Variants in RERE observed in about 807,000 individuals in gnomAD.
RERE encodes arginine-glutamic acid dipeptide repeats protein.
Under a neutral mutation model 146.1 loss-of-function variants are expected in RERE, and 40 were observed. The observed-to-expected ratio is 0.27, with a 90% CI of 0.21 to 0.36. The LOEUF is 0.36. RERE is among the 10% of genes least tolerant of loss of function. The probability of loss-of-function intolerance (pLI) is 1.00; values close to 1 mark genes in which losing one functional copy is unlikely to be tolerated. For synonymous variants in RERE, 1,003 were observed against 866.0 expected, an observed-to-expected ratio of 1.16 and a Z score of -2.78; for missense variants, 1,933 against 2,138.7, an observed-to-expected ratio of 0.90 and a Z score of 1.90.
At chr1:8,544,877 T>C (rs1480725841) in intron 6 of RERE, among the ~76,000 whole-genome samples, 1 of 152,072 alleles carries the variant, frequency 6.6e-6, no homozygotes, top group African/African-American at 2.4e-5. Flanking sequence ...GAAGAAAGGG[T>C]TTCCATAACC....
intron 12 of RERE, among the ~76,000 whole-genome samples, chr1:8,391,127 T>C (rs1642871611): frequency 6.6e-6 from 1 of 152,174 alleles, no homozygotes. Flanking sequence ...GGAAAACTGA[T>C]GTTACTTCCC....
At chr1:8,750,514 G>A (rs1640511214) in intron 1 of RERE, 1 of 1,088,268 alleles carries the variant, frequency 9.2e-7, no homozygotes, top group South Asian at 1.2e-5. Context: ...CAGAGCTGAA[G>A]ATCAAGCTCC....
chr1:8,660,070 GAATA>G (rs1225818890), intron 1 of RERE, among the ~76,000 whole-genome samples: 1 of 151,354 alleles, frequency 6.6e-6, no homozygotes, highest in South Asian at 2.1e-4. Flanking sequence ...TAAATTATAT[GAATA>G]ATTAATACCA....
At chr1:8,741,516 T>C (rs1465163871) in intron 1 of RERE, among the ~76,000 whole-genome samples, 1 of 152,218 alleles carries the variant, frequency 6.6e-6, no homozygotes, top group Non-Finnish European at 1.5e-5. Context: ...TCTCCCATGC[T>C]GTTCTCGTGA....
At position 8,364,637 on chromosome 1, in the gene RERE, C is replaced by T. The variant is rs1026567270; in HGVS notation, c.1540+109G>A. ...GAATCCCGAAGCACAATGCAAATGT[C>T]AAATCAAGTACTGTCCCTGGCAGGT... On this transcript the variant is annotated intron_variant, in intron 14 of 22. Transcript: ENST00000400908. The surrounding 1 kb of genome is among the most constrained non-coding windows in gnomAD (Gnocchi z 5.1). 1 of 779,642 alleles carries T rather than the reference C, an allele frequency of 1.3e-6. No homozygotes were observed. Among genetic ancestry groups the T allele is most frequent in the Non-Finnish European group, 2.2e-6 (1 of 449,550 alleles). 48.3% of individuals were successfully genotyped at this position (779,642 alleles called of 1,614,324 possible).
rs3082123 is a variant in RERE at position 8,585,146 on chromosome 1, CA to C, written c.523-27624del. Among the ~76,000 whole-genome samples the C allele has an allele frequency of 7.2e-4, 93 of 130,054 alleles. 1 individual carries two copies. The highest frequency in any genetic ancestry group is 1.5e-3 in the South Asian group (6 of 3,902). The allele number at this position is 130,054 out of a possible 152,430, so 85.3% of individuals were successfully genotyped here. A position where few individuals can be genotyped will look rare whatever the true frequency, so the allele number is the denominator to read the frequency against. On this transcript the variant is annotated intron_variant, in intron 4 of 22. Coordinates refer to ENST00000400908, the MANE Select transcript of RERE (RefSeq NM_001042681.2). The stretch of plus-strand genomic sequence containing the variant: ...TGGGCAACGGAGCAAGACTCCATCT[CA>C]AAAAAAAAAAAAAAGAAGTAATTAC...
rs1173026952 is a variant in RERE, at chr1:8,403,284, T to C, written c.1284+19443A>G. 2.0e-5 allele frequency among the ~76,000 whole-genome samples: 3 copies of C among 152,278 alleles called. No individual in the cohort carries two copies. The East Asian group carries it at 5.8e-4, about 29-fold the overall frequency. On this transcript the variant is annotated intron_variant, in intron 12 of 22. Transcript: ENST00000400908. ...AAGAATTTTGTTGTCTCTTTTGAAA[T>C]TTCCTATCATAAAACTTTTCACAGT...
At chr1:8,741,823 T>C (rs1054938437) in intron 1 of RERE, among the ~76,000 whole-genome samples, 1 of 152,194 alleles carries the variant, frequency 6.6e-6, no homozygotes, top group Non-Finnish European at 1.5e-5. Context: ...GGAGAAAATT[T>C]TGGCTTTGAG....
intron 11 of RERE, chr1:8,429,905 A>AACAG (rs1644072419): frequency 6.6e-6 from 1 of 152,442 alleles, no homozygotes; most frequent in Non-Finnish European, 1.5e-5. Flanking sequence ...GGGTAAGAGG[A>AACAG]ACAGACCCAT....
chr1:8,507,737 C>CTTTTTTTTTTTTTTTTTTTTTTTTT (rs58647657), intron 8 of RERE, among the ~76,000 whole-genome samples: 1 of 85,958 alleles, frequency 1.2e-5, no homozygotes, highest in African/African-American at 5.0e-5. Context: ...CATCTTTTAT[C>CTTTTTTTTTTTTTTTTTTTTTTTTT]TTTTTTTTTT....
At chr1:8,558,952 T>C (rs1448100478) in intron 4 of RERE, among the ~76,000 whole-genome samples, 1 of 151,160 alleles carries the variant, frequency 6.6e-6, no homozygotes, top group Non-Finnish European at 1.5e-5. Context: ...TGTGCCACCA[T>C]GCCCAGCTAT....
At chr1:8,571,707 A>G (rs994251418) in intron 4 of RERE, among the ~76,000 whole-genome samples, 1 of 152,246 alleles carries the variant, frequency 6.6e-6, no homozygotes, top group Non-Finnish European at 1.5e-5. Context: ...CGTTCCATCT[A>G]CAAACATTTT....
rs770737704 is a variant in RERE at position 8,358,797 on chromosome 1, G to A, written c.3738C>T (p.Ile1246=). ...PTTIAAVPPY[I]GPDTPALRTL... ...TCCGAAGGGCAGGTGTGTCGGGCCC[G>A]ATGTAGGGGGGCACAGCAGCAATGG... The change falls in exon 20 of 23, where the codon ATC becomes ATT. Residue 1246 remains isoleucine (I), a synonymous_variant. Coordinates refer to ENST00000400908, the MANE Select transcript of RERE (RefSeq NM_001042681.2). 11 of 1,612,446 alleles carry A rather than the reference G, an allele frequency of 6.8e-6. No homozygotes were observed. The highest frequency in any genetic ancestry group is 5.5e-5 in the South Asian group (5 of 90,844).
At chr1:8,381,820 GTTTT>G (rs1219415054) in intron 12 of RERE, among the ~76,000 whole-genome samples, 2 of 152,220 alleles carry the variant, frequency 1.3e-5, no homozygotes, top group African/African-American at 4.8e-5. Flanking sequence ...GAACACACGT[GTTTT>G]TTGTTTTACA....
intron 1 of RERE, among the ~76,000 whole-genome samples, chr1:8,773,647 A>T (rs1260986000): frequency 2.6e-5 from 4 of 152,204 alleles, no homozygotes. Context: ...AACACGGTGA[A>T]ACCCTGTCTC....
At chr1:8,512,972 C>T (rs757502340) in intron 7 of RERE, 10 of 152,130 alleles carry the variant, frequency 6.6e-5, no homozygotes, top group Admixed American at 3.3e-4. Context: ...ACCAACCTCC[C>T]CAGGCTGGGC....
At chr1:8,508,143 A>T (rs557854889) in intron 8 of RERE, among the ~76,000 whole-genome samples, 2 of 152,266 alleles carry the variant, frequency 1.3e-5, no homozygotes, top group Non-Finnish European at 2.9e-5. Context: ...TAAAAAGGAT[A>T]GAAATTCTGA....
chr1:8,621,678 A>G (rs529151268), intron 3 of RERE, among the ~76,000 whole-genome samples: 1 of 152,342 alleles, frequency 6.6e-6, no homozygotes, highest in East Asian at 1.9e-4. Flanking sequence ...TTTCAAAGCC[A>G]TCGGGTTTTT....
At chr1:8,575,551 A>AT (rs1557693757) in intron 4 of RERE, among the ~76,000 whole-genome samples, 12 of 67,660 alleles carry the variant, frequency 1.8e-4, no homozygotes, top group African/African-American at 8.9e-4. Flanking sequence ...ATATATATAT[A>AT]TATATATATA....
Sources: allele counts gnomAD v4.1 joint callset (sites outside exome capture counted in the v4.1 genomes callset), GRCh38; gene constraint gnomAD v4.1.1; non-coding constraint Gnocchi (gnomAD v3.1); transcripts MANE v1.5; gene names NCBI Gene and HGNC (gene_info 2026-07-23, HGNC 2026-07-21).